The following APAF1 variants were observed in gnomAD, a reference collection of about 807,000 sequenced individuals.
APAF1 encodes apoptotic peptidase activating factor 1.
Under a neutral mutation model 152.4 loss-of-function variants are expected in APAF1, and 91 were observed. The ratio of observed to expected loss-of-function variants is 0.60; its 90% confidence interval spans 0.50 to 0.71. The LOEUF (loss-of-function observed/expected upper bound fraction) is 0.71. Ranked by LOEUF, APAF1 falls within the 30% of genes least tolerant of loss-of-function variation. APAF1 has a pLI of 0.00. For synonymous variants in APAF1, 484 were observed against 494.1 expected (o/e 0.98, Z 0.27); for missense variants, 1,283 against 1,472.0 (o/e 0.87, Z 2.10).
chr12:98,687,265 A>T (rs1428966244), intron 16 of APAF1, among the ~76,000 whole-genome samples: 2 of 151,670 alleles, frequency 1.3e-5, no homozygotes, highest in African/African-American at 4.8e-5. Context: ...TGGGAGGCTG[A>T]GGCAGAGAAT....
chr12:98,702,433 A>C (rs1318943838), intron 17 of APAF1, among the ~76,000 whole-genome samples: 1 of 152,204 alleles, frequency 6.6e-6, no homozygotes, highest in Non-Finnish European at 1.5e-5. Context: ...TCTTGATCTT[A>C]AATCAGTATA....
intron 4 of APAF1, among the ~76,000 whole-genome samples, chr12:98,656,608 ATG>A (rs1051162237): frequency 1.3e-5 from 2 of 152,060 alleles, no homozygotes. Flanking sequence ...TGTCATTCCT[ATG>A]TGTTTCTGCC....
At position 98,665,538 on chromosome 12, in the gene APAF1, ATTTT is replaced by A; in HGVS notation, c.956-8_956-5del. 2 of 1,458,262 alleles carry A rather than the reference ATTTT, an allele frequency of 1.4e-6. No individual in the cohort carries two copies. Among genetic ancestry groups the A allele is most frequent in the Non-Finnish European group, 1.9e-6 (2 of 1,052,066 alleles). The allele number at this position is 1,458,262 out of a possible 1,614,324, so 90.3% of individuals were successfully genotyped here. Reference sequence around the variant, plus strand: ...AGGATGGTATTAGCATAGTGACTTCATTTTTTTTTTAAAGGCTCTCCCCTTGTAG... The same window carrying A: ...AGGATGGTATTAGCATAGTGACTTCATTTTTTAAAGGCTCTCCCCTTGTAG... On this transcript the variant is annotated splice_polypyrimidine_tract_variant and intron_variant, in intron 7 of 26. Transcript: ENST00000551964.
chr12:98,684,171 T>C (rs934292918), intron 15 of APAF1, among the ~76,000 whole-genome samples: 10 of 152,200 alleles, frequency 6.6e-5, no homozygotes, highest in Non-Finnish European at 1.3e-4. Context: ...TTAAATAAAT[T>C]ATTAGAAAAA....
intron 20 of APAF1, among the ~76,000 whole-genome samples, chr12:98,710,593 T>A (rs940251100): frequency 4.0e-5 from 6 of 151,828 alleles, no homozygotes; most frequent in South Asian, 2.1e-4. Flanking sequence ...ATTCAAAAAA[T>A]TTTTTTTTGT....
chr12:98,697,523 A>G (rs2097711216), intron 16 of APAF1, among the ~76,000 whole-genome samples: 1 of 152,192 alleles, frequency 6.6e-6, no homozygotes, highest in Non-Finnish European at 1.5e-5. Context: ...GACACTTTTT[A>G]AAAAGTCATC....
Position 98,695,055 on chromosome 12 carries a change from AT to A in APAF1, c.2305-4345del, listed in dbSNP as rs200022669. ...CTTTTCTCTTTTTTCTTTTTCTTGC[AT>A]TTTTTTTCCCTCCCGAGATGGAGTC... On this transcript the variant is annotated intron_variant, in intron 16 of 26. Coordinates refer to ENST00000551964, the MANE Select transcript of APAF1 (RefSeq NM_181861.2). Among the ~76,000 whole-genome samples the A allele has an allele frequency of 3.1e-3, 467 of 148,990 alleles. 3 individuals are homozygous for A. Among genetic ancestry groups the A allele is most frequent in the African/African-American group, 0.011 (445 of 40,294 alleles).
At chr12:98,712,058 G>A (rs368645870) in intron 20 of APAF1, among the ~76,000 whole-genome samples, 8 of 152,170 alleles carry the variant, frequency 5.3e-5, no homozygotes, top group Non-Finnish European at 7.3e-5. Context: ...CTCAGGTGGC[G>A]GGCGCAGCAG....
chr12:98,666,982 A>C (rs1356013662), intron 9 of APAF1, among the ~76,000 whole-genome samples: 1 of 151,710 alleles, frequency 6.6e-6, no homozygotes, highest in African/African-American at 2.4e-5. Context: ...CACTATTCCC[A>C]GACTCCTGGT....
In APAF1 at chr12:98,723,057, T is replaced by C. The variant is rs1261509574; in HGVS notation, c.3085-136T>C. 29 of 869,834 alleles carry C rather than the reference T, an allele frequency of 3.3e-5. No individual in the cohort carries two copies. The Admixed American group carries it at 4.5e-4, about 14-fold the overall frequency. The allele number at this position is 869,834 out of a possible 1,614,324, so 53.9% of individuals were successfully genotyped here. A position where few individuals can be genotyped will look rare whatever the true frequency, so the allele number is the denominator to read the frequency against. On this transcript the variant is annotated intron_variant, in intron 22 of 26. Coordinates refer to ENST00000551964, the MANE Select transcript of APAF1 (RefSeq NM_181861.2). ...GTAAAATGTGGACACCACAGTCTTCTCTCTTATTCCTCTCTGTTTTACTGA... is the reference window on the plus strand; with the variant it reads ...GTAAAATGTGGACACCACAGTCTTCCCTCTTATTCCTCTCTGTTTTACTGA...
At chr12:98,684,701 C>CA (rs35404649) in intron 15 of APAF1, among the ~76,000 whole-genome samples, 4 of 151,606 alleles carry the variant, frequency 2.6e-5, no homozygotes, top group Non-Finnish European at 5.9e-5. Flanking sequence ...CACTTTTACT[C>CA]AAAAAAACTT....
At chr12:98,689,462 G>GTGTGTC (rs1395640708) in intron 16 of APAF1, among the ~76,000 whole-genome samples, 3 of 144,954 alleles carry the variant, frequency 2.1e-5, no homozygotes, top group Non-Finnish European at 4.5e-5. Flanking sequence ...GAGAGAGAGA[G>GTGTGTC]AGTGTGTGTG....
intron 22 of APAF1, among the ~76,000 whole-genome samples, chr12:98,716,661 G>A (rs766410773): frequency 4.6e-5 from 7 of 152,120 alleles, no homozygotes; most frequent in Admixed American, 2.0e-4. Flanking sequence ...TTTATTCATT[G>A]TTTTGGATAT....
At chr12:98,730,964 G>A (rs1243585528) in intron 26 of APAF1, among the ~76,000 whole-genome samples, 3 of 152,178 alleles carry the variant, frequency 2.0e-5, no homozygotes, top group African/African-American at 7.2e-5. Flanking sequence ...TAATTCATGT[G>A]CATGAAGGGA....
At chr12:98,673,923 C>T (rs2097683683) in intron 12 of APAF1, among the ~76,000 whole-genome samples, 1 of 152,066 alleles carries the variant, frequency 6.6e-6, no homozygotes, top group Non-Finnish European at 1.5e-5. Context: ...GGGAGGGTTC[C>T]ATGAAGGAGA....
Position 98,728,005 on chromosome 12 carries a change from G to T in APAF1, c.3600+689G>T, listed in dbSNP as rs146191079. On this transcript the variant is annotated intron_variant, in intron 26 of 26. Transcript: ENST00000551964. ...ATTAATTAAAAAAATAAATAAAAAG[G>T]AAAAGAAAAAAAAAGGCAGTTACTA... Among the ~76,000 whole-genome samples, 469 of 149,882 alleles carry T rather than the reference G, an allele frequency of 3.1e-3. 4 individuals are homozygous for T. The highest frequency in any genetic ancestry group is 0.011 in the African/African-American group (449 of 40,970).
chr12:98,676,428 C>T (rs978732060), intron 12 of APAF1, among the ~76,000 whole-genome samples: 23 of 151,988 alleles, frequency 1.5e-4, no homozygotes, highest in African/African-American at 5.3e-4. Context: ...AAGCTCATCT[C>T]GAACTCCTGA....
In APAF1 at chr12:98,671,077, A is replaced by G; in HGVS notation, c.1599A>G (p.Leu533=). ...IHEFVEYRHI[L]DEKDCAVSEN... ...AATTTGTGGAATACAGACATATACTAGATGAAAAGGTATATATATTAACAT... is the reference window on the plus strand; with the variant it reads ...AATTTGTGGAATACAGACATATACTGGATGAAAAGGTATATATATTAACAT... Residue 533 remains leucine (L), a synonymous_variant, in exon 11 of 27, where the codon CTA becomes CTG. Coordinates refer to ENST00000551964, the MANE Select transcript of APAF1 (RefSeq NM_181861.2). 1 of 1,577,126 alleles carries G rather than the reference A, an allele frequency of 6.3e-7. No homozygotes were observed. Among genetic ancestry groups the G allele is most frequent in the Non-Finnish European group, 8.7e-7 (1 of 1,147,226 alleles).
intron 22 of APAF1, among the ~76,000 whole-genome samples, chr12:98,719,022 C>T (rs1216430631): frequency 2.6e-5 from 4 of 152,170 alleles, no homozygotes; most frequent in Non-Finnish European, 5.9e-5. Context: ...CTTTGATGCC[C>T]TTATCCTCGT....
Sources: gnomAD v4.1 joint callset for allele counts (sites outside exome capture counted in the v4.1 genomes callset) on GRCh38, gnomAD v4.1.1 for gene constraint, MANE v1.5 for transcripts, NCBI Gene and HGNC (gene_info 2026-07-23, HGNC 2026-07-21) for gene names.